DIP2C: variants seen among roughly 807,000 people sequenced by gnomAD.
DIP2C encodes DIP2 acetate--CoA ligase C (putative).
DIP2C carries 33 observed loss-of-function variants against 192.4 expected under a neutral mutation model. The observed-to-expected ratio is 0.17, with a 90% CI of 0.13 to 0.23. The LOEUF is 0.23. Among genes scored for constraint, DIP2C ranks in the 10% least tolerant of loss-of-function variants. DIP2C has a pLI of 1.00. For synonymous variants in DIP2C, 979 were observed against 864.1 expected (o/e 1.13, Z -2.33); for missense variants, 1,537 against 2,110.1 (o/e 0.73, Z 5.32).
chr10:378,538 TGTGAACACATGCAGACAC>T (rs1255303082), intron 17 of DIP2C, among the ~76,000 whole-genome samples: 4 of 151,212 alleles, frequency 2.6e-5, no homozygotes, highest in African/African-American at 7.3e-5. Flanking sequence ...CAAAGACACA[TGTGAACACATGCAGACAC>T]GTGAACACAA....
In DIP2C at chr10:363,411, A is replaced by T; in HGVS notation, c.2478-100T>A. ...CATAACCATCACTAGTGAGTGACAC[A>T]GCTCCAACTACGACTTCAAAACGGC... On this transcript the variant is annotated intron_variant, in intron 20 of 36. Transcript: ENST00000280886. This position sits in a 1 kb window ranked among gnomAD's most constrained non-coding sequence, Gnocchi z 5.4. 1.0e-6 allele frequency: 1 copy of T among 952,960 alleles called. No individual in the cohort carries two copies. Among genetic ancestry groups the T allele is most frequent in the Non-Finnish European group, 1.6e-6 (1 of 621,378 alleles). 59.0% of individuals were successfully genotyped at this position (952,960 alleles called of 1,614,324 possible). A position where few individuals can be genotyped will look rare whatever the true frequency, so the allele number is the denominator to read the frequency against.
intron 1 of DIP2C, among the ~76,000 whole-genome samples, chr10:609,930 C>T (rs1314434841): frequency 2.0e-5 from 3 of 151,938 alleles, no homozygotes; most frequent in Non-Finnish European, 4.4e-5. Flanking sequence ...GCGAGGGGCA[C>T]AAAGGAATGC....
At chr10:643,276 A>G (rs1185232512) in intron 1 of DIP2C, among the ~76,000 whole-genome samples, 1 of 150,892 alleles carries the variant, frequency 6.6e-6, no homozygotes, top group Non-Finnish European at 1.5e-5. Flanking sequence ...GCACTTTGGG[A>G]GGCCAAGGCG....
chr10:594,810 T>C (rs975195652), intron 1 of DIP2C, among the ~76,000 whole-genome samples: 28 of 152,276 alleles, frequency 1.8e-4, no homozygotes, highest in African/African-American at 6.0e-4. Flanking sequence ...ACTCTCCGGG[T>C]TCAGATCATG....
chr10:639,224 G>A (rs1855012262), intron 1 of DIP2C, among the ~76,000 whole-genome samples: 1 of 146,026 alleles, frequency 6.8e-6, no homozygotes, highest in Non-Finnish European at 1.5e-5. Flanking sequence ...CCGGCTCACG[G>A]TCCACACATG....
intron 1 of DIP2C, among the ~76,000 whole-genome samples, chr10:536,594 G>T (rs954937245): frequency 6.6e-6 from 1 of 152,196 alleles, no homozygotes; most frequent in Non-Finnish European, 1.5e-5. Context: ...AGTTTGGGAG[G>T]ACACAATTTA....
intron 1 of DIP2C, among the ~76,000 whole-genome samples, chr10:549,480 G>C (rs941962721): frequency 6.6e-6 from 1 of 152,158 alleles, no homozygotes; most frequent in Admixed American, 6.5e-5. Flanking sequence ...AGACCAATGA[G>C]CTTCACCAAC....
intron 2 of DIP2C, among the ~76,000 whole-genome samples, chr10:475,541 T>G (rs954070913): frequency 3.3e-5 from 5 of 152,176 alleles, no homozygotes; most frequent in African/African-American, 1.2e-4. Context: ...AGGCTGCTGC[T>G]CGGCTTCTCA....
intron 1 of DIP2C, among the ~76,000 whole-genome samples, chr10:587,455 A>T (rs1056766050): frequency 6.6e-6 from 1 of 152,212 alleles, no homozygotes; most frequent in Non-Finnish European, 1.5e-5. Context: ...AGGTCACCCC[A>T]TGTGAAATCC....
intron 1 of DIP2C, among the ~76,000 whole-genome samples, chr10:628,414 C>T (rs1393172593): frequency 6.6e-6 from 1 of 152,252 alleles, no homozygotes; most frequent in African/African-American, 2.4e-5. Context: ...CAGCCATTTA[C>T]AGCCATATAG....
intron 1 of DIP2C, among the ~76,000 whole-genome samples, chr10:612,170 A>C (rs1853140122): frequency 6.6e-6 from 1 of 151,982 alleles, no homozygotes; most frequent in African/African-American, 2.4e-5. Context: ...ACGGGCACTT[A>C]TAATCCCAGC....
At chr10:424,354 G>GTTTT (rs1564695965) in intron 4 of DIP2C, among the ~76,000 whole-genome samples, 2 of 121,028 alleles carry the variant, frequency 1.7e-5, no homozygotes, top group African/African-American at 3.4e-5. Context: ...TATCACCTTG[G>GTTTT]GTTTTTTTTT....
rs71376842 is a variant in DIP2C, at chr10:603,298, CAAAAAAAAAAAAAAAAAAAA to C, written c.85+86176_85+86195del. On this transcript the variant is annotated intron_variant, in intron 1 of 36. Coordinates refer to ENST00000280886, the MANE Select transcript of DIP2C (RefSeq NM_014974.3). ...TGGGTGACAGAATGAGACTCCATCT[CAAAAAAAAAAAAAAAAAAAA>C]AAAAAAAAAAAAAAACCAACCATGA... is the stretch of plus-strand genomic sequence containing the variant. Among the ~76,000 whole-genome samples the C allele has an allele frequency of 1.7e-4, 8 of 45,886 alleles. No individual in the cohort carries two copies. In the South Asian group the frequency reaches 4.3e-3, roughly 25 times the overall value. The allele number at this position is 45,886 out of a possible 152,430, so 30.1% of individuals were successfully genotyped here.
chr10:584,112 C>G (rs78148953), intron 1 of DIP2C, among the ~76,000 whole-genome samples: 1 of 152,140 alleles, frequency 6.6e-6, no homozygotes, highest in Non-Finnish European at 1.5e-5. Flanking sequence ...GAAGTCTCCC[C>G]AGGGCTGAGA....
At chr10:388,494 T>C (rs1163214096) in intron 13 of DIP2C, among the ~76,000 whole-genome samples, 1 of 152,160 alleles carries the variant, frequency 6.6e-6, no homozygotes, top group Non-Finnish European at 1.5e-5. Flanking sequence ...TGGAGGATAA[T>C]AGACAGGAGG....
Position 393,775 on chromosome 10 carries a change from T to A in DIP2C, c.1261-2912A>T, listed in dbSNP as rs187045665. Among the ~76,000 whole-genome samples the A allele has an allele frequency of 5.7e-3, 323 of 56,912 alleles. 5 individuals are homozygous for A. The Middle Eastern group carries it at 0.062, about 11-fold the overall frequency. 37.3% of individuals were successfully genotyped at this position (56,912 alleles called of 152,430 possible). ...GCCTGGGTGACAGAGCGAGACTCCG[T>A]CTCAAAAAAAAAAAAAAAAAAGAAA... On this transcript the variant is annotated intron_variant, in intron 10 of 36. Transcript: ENST00000280886.
chr10:573,340 G>A (rs1412474109), intron 1 of DIP2C, among the ~76,000 whole-genome samples: 1 of 152,176 alleles, frequency 6.6e-6, no homozygotes, highest in Admixed American at 6.5e-5. Flanking sequence ...GCTAATAAAA[G>A]ACAAACATAA....
intron 9 of DIP2C, among the ~76,000 whole-genome samples, chr10:404,210 A>AT (rs200567522): frequency 0.18 from 26,460 of 146,342 alleles, 2,960 homozygotes; most frequent in Non-Finnish European, 0.26. Context: ...TTCATTCTGG[A>AT]TTTTTTTTTT....
intron 14 of DIP2C, 82 bp from the exon 15 acceptor site, chr10:384,721 G>GGCC: frequency 7.2e-7 from 1 of 1,380,468 alleles, no homozygotes; most frequent in Non-Finnish European, 1.0e-6. Flanking sequence ...ATGGACACTA[G>GGCC]GCCGCACGGG....
Sources: gnomAD v4.1 joint callset for allele counts (sites outside exome capture counted in the v4.1 genomes callset) on GRCh38, gnomAD v4.1.1 for gene constraint, Gnocchi (gnomAD v3.1) non-coding constraint, MANE v1.5 for transcripts, NCBI Gene and HGNC (gene_info 2026-07-23, HGNC 2026-07-21) for gene names.